Variants in DDR2 observed in about 807,000 individuals in gnomAD.
The protein encoded by DDR2 is discoidin domain receptor tyrosine kinase 2.
DDR2 carries 27 observed loss-of-function variants against 94.9 expected under a neutral mutation model. That is an observed-to-expected ratio of 0.28 (90% CI 0.21 to 0.39). The LOEUF is 0.39. Among genes scored for constraint, DDR2 ranks in the 10% least tolerant of loss-of-function variants. The pLI, the probability that DDR2 is intolerant of heterozygous loss-of-function variation, is 1.00. For missense variants in DDR2, 783 were observed against 1,076.0 expected (o/e 0.73, Z 3.81); for synonymous variants, 382 against 377.2 (o/e 1.01, Z -0.15).
At chr1:162,731,633 A>G (rs975806927) in intron 3 of DDR2, among the ~76,000 whole-genome samples, 2 of 152,172 alleles carry the variant, frequency 1.3e-5, no homozygotes, top group African/African-American at 4.8e-5. Flanking sequence ...AGGTCATAAA[A>G]CCTTTTAATT....
At chr1:162,676,003 ATG>A (rs1374005689) in intron 2 of DDR2, among the ~76,000 whole-genome samples, 2 of 152,154 alleles carry the variant, frequency 1.3e-5, no homozygotes, top group African/African-American at 2.4e-5. Flanking sequence ...ACTGATTGAA[ATG>A]TGTGTGTGTT....
intron 1 of DDR2, among the ~76,000 whole-genome samples, chr1:162,647,738 T>C (rs1657485518): frequency 6.6e-6 from 1 of 152,208 alleles, no homozygotes; most frequent in South Asian, 2.1e-4. Flanking sequence ...TGGGAATGTC[T>C]TTTAGCATGT....
At chr1:162,694,138 G>A (rs570049795) in intron 2 of DDR2, among the ~76,000 whole-genome samples, 6 of 152,170 alleles carry the variant, frequency 3.9e-5, no homozygotes, top group African/African-American at 1.4e-4. Context: ...TTGCCTATTT[G>A]GGTAATAGTT....
chr1:162,691,990 A>G lies in DDR2; in HGVS notation c.-27-27047A>G, dbSNP rs538743197. Among the ~76,000 whole-genome samples the G allele has an allele frequency of 1.2e-4, 18 of 152,328 alleles. No individual in the cohort carries two copies. In the East Asian group the frequency reaches 3.5e-3, roughly 29 times the overall value. ...GGCCTGTAGGTGGGTGGAGACAGAG[A>G]CCTTCAGAGCATCCTCAGTGCCTTC... On this transcript the variant is annotated intron_variant, in intron 2 of 17. Transcript: ENST00000367921.
intron 3 of DDR2, among the ~76,000 whole-genome samples, chr1:162,747,666 C>T (rs1662952015): frequency 6.6e-6 from 1 of 152,112 alleles, no homozygotes; most frequent in Non-Finnish European, 1.5e-5. Flanking sequence ...AAAGATACTC[C>T]TCGAGAAGAG....
chr1:162,646,242 G>T (rs913807299), intron 1 of DDR2, among the ~76,000 whole-genome samples: 3 of 152,152 alleles, frequency 2.0e-5, no homozygotes, highest in South Asian at 2.1e-4. Flanking sequence ...TAGAACTCTT[G>T]TGGACTGCAA....
intron 7 of DDR2, among the ~76,000 whole-genome samples, chr1:162,758,423 C>T (rs1054690493): frequency 6.6e-6 from 1 of 151,966 alleles, no homozygotes; most frequent in African/African-American, 2.4e-5. Flanking sequence ...TTTTCTTATC[C>T]CTTCTTCACT....
At chr1:162,677,601 T>C (rs1449161349) in intron 2 of DDR2, among the ~76,000 whole-genome samples, 1 of 152,188 alleles carries the variant, frequency 6.6e-6, no homozygotes, top group Non-Finnish European at 1.5e-5. Flanking sequence ...CTTCTAGCTT[T>C]TCTTCTCCTG....
At chr1:162,742,429 A>G (rs561121209) in intron 3 of DDR2, among the ~76,000 whole-genome samples, 2 of 152,376 alleles carry the variant, frequency 1.3e-5, no homozygotes, top group South Asian at 4.1e-4. Flanking sequence ...GGGAGCAGGC[A>G]TGTCACATGG....
chr1:162,694,237 C>T (rs1660084928), intron 2 of DDR2, among the ~76,000 whole-genome samples: 1 of 152,218 alleles, frequency 6.6e-6, no homozygotes, highest in Non-Finnish European at 1.5e-5. Flanking sequence ...AAAAGCCCTC[C>T]AGTGGCTCTG....
chr1:162,704,277 C>G (rs1194300405), intron 2 of DDR2, among the ~76,000 whole-genome samples: 1 of 151,852 alleles, frequency 6.6e-6, no homozygotes, highest in Non-Finnish European at 1.5e-5. Flanking sequence ...TCCCCAATCA[C>G]CAGAAAATGC....
chr1:162,743,986 CTT>C (rs1168583525), intron 3 of DDR2, among the ~76,000 whole-genome samples: 2 of 152,124 alleles, frequency 1.3e-5, no homozygotes, highest in Admixed American at 1.3e-4. Flanking sequence ...TTTGGTCTGA[CTT>C]TTTTTATTAA....
chr1:162,652,250 C>T (rs1657729961), intron 1 of DDR2, among the ~76,000 whole-genome samples: 2 of 152,150 alleles, frequency 1.3e-5, no homozygotes, highest in Non-Finnish European at 1.5e-5. Context: ...CAAACCTGGG[C>T]GGGGTTTTCT....
intron 2 of DDR2, among the ~76,000 whole-genome samples, chr1:162,659,880 A>T (rs1303898571): frequency 8.5e-5 from 13 of 152,190 alleles, no homozygotes. Flanking sequence ...CACAAACTCT[A>T]TTACTGTCAG....
intron 2 of DDR2, among the ~76,000 whole-genome samples, chr1:162,701,559 C>G (rs891159605): frequency 3.3e-5 from 5 of 152,214 alleles, no homozygotes; most frequent in Admixed American, 6.5e-5. Context: ...CTTTTGCACT[C>G]TGGTGAACAG....
intron 3 of DDR2, among the ~76,000 whole-genome samples, chr1:162,750,550 G>A (rs1222421280): frequency 9.2e-5 from 14 of 152,154 alleles, no homozygotes; most frequent in Non-Finnish European, 1.8e-4. Flanking sequence ...AATCAATATC[G>A]TGGAAATGGC....
chr1:162,755,003 C>A (rs1663389572), intron 5 of DDR2, 148 bp downstream of exon 5: 2 of 1,412,802 alleles, frequency 1.4e-6, no homozygotes, highest in Admixed American at 1.9e-5. Context: ...GTGAGGGAGG[C>A]AGGGAAGGAA....
chr1:162,753,089 G>A lies in DDR2; in HGVS notation c.83-6G>A. 1 of 1,612,392 alleles carries A rather than the reference G, an allele frequency of 6.2e-7. No homozygotes were observed. Among genetic ancestry groups the A allele is most frequent in the South Asian group, 1.1e-5 (1 of 91,010 alleles). ...TCTCTTTTCTCTTTGGTTTCTCTTGGTCTAGCTATATGCCGCTATCCTCTG... is the reference window on the plus strand; with the variant it reads ...TCTCTTTTCTCTTTGGTTTCTCTTGATCTAGCTATATGCCGCTATCCTCTG... On this transcript the variant is annotated splice_polypyrimidine_tract_variant and splice_region_variant and intron_variant, in intron 3 of 17. Transcript: ENST00000367921.
chr1:162,636,843 A>G (rs1419696859), intron 1 of DDR2, among the ~76,000 whole-genome samples: 1 of 152,110 alleles, frequency 6.6e-6, no homozygotes, highest in Non-Finnish European at 1.5e-5. Context: ...ATGAGGGCAA[A>G]TAATCTAGCA....
Sources: gnomAD v4.1 joint callset for allele counts (sites outside exome capture counted in the v4.1 genomes callset) on GRCh38, gnomAD v4.1.1 for gene constraint, MANE v1.5 for transcripts, NCBI Gene and HGNC (gene_info 2026-07-23, HGNC 2026-07-21) for gene names.